Variants in CNKSR2 observed in about 807,000 individuals in gnomAD.
The protein encoded by CNKSR2 is connector enhancer of kinase suppressor of Ras 2, also known as CNK homolog protein 2.
CNKSR2 carries 14 observed loss-of-function variants against 84.4 expected under a neutral mutation model. The observed-to-expected ratio is 0.17, with a 90% confidence interval of 0.11 to 0.26. The LOEUF is 0.26. Ranked by LOEUF, CNKSR2 falls within the 10% of genes least tolerant of loss-of-function variation. CNKSR2 has a pLI of 1.00. For synonymous variants in CNKSR2, 275 were observed against 277.9 expected (o/e 0.99, Z 0.10); for missense variants, 485 against 771.2 (o/e 0.63, Z 4.40).
intron 20 of CNKSR2, among the ~76,000 whole-genome samples, chrX:21,626,163 C>T (rs2092622190): frequency 9.6e-6 from 1 of 103,638 alleles, no homozygotes; most frequent in Non-Finnish European, 1.9e-5. Context: ...TCAGACAAGA[C>T]CTCACAGAGG....
intron 20 of CNKSR2, chrX:21,642,011 T>C: frequency 1.3e-6 from 1 of 758,656 alleles, no homozygotes; most frequent in Non-Finnish European, 1.6e-6. Context: ...CTTCAATAAC[T>C]AGAAAATTCT....
intron 11 of CNKSR2, among the ~76,000 whole-genome samples, chrX:21,553,448 T>C (rs2092110951): frequency 9.2e-6 from 1 of 108,739 alleles, no homozygotes; most frequent in Non-Finnish European, 1.9e-5. Flanking sequence ...ACTTTTACAC[T>C]CCATTGTCTT....
chrX:21,424,686 T>G (rs2090542034), intron 1 of CNKSR2: 1 of 112,041 alleles, frequency 8.9e-6, no homozygotes, highest in Admixed American at 9.5e-5. Context: ...CTGCATTCCT[T>G]GAGGTCTGTG....
intron 20 of CNKSR2, among the ~76,000 whole-genome samples, chrX:21,639,742 C>G (rs980420667): frequency 9.0e-6 from 1 of 111,523 alleles, no homozygotes; most frequent in African/African-American, 3.3e-5. Flanking sequence ...TCCAACCAGC[C>G]CTAGCCAGTG....
intron 18 of CNKSR2, among the ~76,000 whole-genome samples, chrX:21,603,218 A>G (rs1001759267): frequency 1.8e-5 from 2 of 112,455 alleles, no homozygotes; most frequent in African/African-American, 3.2e-5. Flanking sequence ...CAATACAACC[A>G]GAATCTCTGA....
chrX:21,567,267 A>G (rs2092246846), intron 13 of CNKSR2, among the ~76,000 whole-genome samples: 1 of 112,166 alleles, frequency 8.9e-6, no homozygotes, highest in Non-Finnish European at 1.9e-5. Flanking sequence ...TCTCTCCTGT[A>G]CATGGTAGGA....
intron 1 of CNKSR2, among the ~76,000 whole-genome samples, chrX:21,411,132 T>C (rs1237754654): frequency 9.0e-6 from 1 of 111,357 alleles, no homozygotes; most frequent in East Asian, 2.8e-4. Flanking sequence ...TTTTTACCTC[T>C]ATATTACTAT....
At chrX:21,631,929 T>A (rs1280855489) in intron 20 of CNKSR2, among the ~76,000 whole-genome samples, 1 of 112,094 alleles carries the variant, frequency 8.9e-6, no homozygotes, top group Non-Finnish European at 1.9e-5. Context: ...GTAAAAGTTT[T>A]TCAGTGATAA....
At chrX:21,584,570 C>T (rs760270117) in intron 13 of CNKSR2, among the ~76,000 whole-genome samples, 1 of 112,158 alleles carries the variant, frequency 8.9e-6, no homozygotes, top group African/African-American at 3.2e-5. Context: ...ATTGGGATAA[C>T]AATTTTGGAC....
intron 20 of CNKSR2, among the ~76,000 whole-genome samples, chrX:21,647,539 C>A (rs988382845): frequency 8.9e-6 from 1 of 111,802 alleles, no homozygotes; most frequent in Non-Finnish European, 1.9e-5. Context: ...TTGTTAAAAT[C>A]GTGGATTCTG....
intron 13 of CNKSR2, among the ~76,000 whole-genome samples, chrX:21,578,483 A>C (rs766420585): frequency 1.8e-3 from 203 of 110,282 alleles, no homozygotes; most frequent in Non-Finnish European, 3.1e-3. Context: ...AATCAGCTAT[A>C]AAAAGCTAGG....
In CNKSR2 at chrX:21,563,275, T is replaced by A. The variant is rs772842723; in HGVS notation, c.1431T>A (p.Ile477=). ...TTCGGTATATGAGCAATGAAAAGATTGCTCAAGAAGAATACATGTTTCAGA... is the reference window on the plus strand; with the variant it reads ...TTCGGTATATGAGCAATGAAAAGATAGCTCAAGAAGAATACATGTTTCAGA... ...SLLRYMSNEK[I]AQEEYMFQRN... is the part of the protein sequence containing the mutation. The change falls in exon 13 of 22, where the codon ATT becomes ATA. Residue 477 remains isoleucine (I), a synonymous_variant. Transcript: ENST00000379510. The A allele has an allele frequency of 6.6e-6, 8 of 1,209,564 alleles. No homozygotes were observed. The South Asian group carries it at 1.2e-4, about 19-fold the overall frequency.
chrX:21,617,210 A>G (rs796484981), intron 20 of CNKSR2, among the ~76,000 whole-genome samples: 1 of 111,624 alleles, frequency 9.0e-6, no homozygotes, highest in African/African-American at 3.3e-5. Flanking sequence ...CTTCAGCTCA[A>G]TAATAGCATA....
chrX:21,552,040 T>C (rs2092097576), intron 11 of CNKSR2, among the ~76,000 whole-genome samples: 2 of 108,482 alleles, frequency 1.8e-5, no homozygotes, highest in South Asian at 8.1e-4. Flanking sequence ...TGACATCCCC[T>C]GGAGCAGGAG....
intron 5 of CNKSR2, among the ~76,000 whole-genome samples, chrX:21,473,232 A>G (rs1184956617): frequency 8.9e-6 from 1 of 111,767 alleles, no homozygotes; most frequent in East Asian, 2.8e-4. Context: ...GCATTAACCA[A>G]ATCAGTTCAT....
intron 20 of CNKSR2, among the ~76,000 whole-genome samples, chrX:21,621,236 T>C (rs998036670): frequency 3.6e-5 from 4 of 111,680 alleles, no homozygotes; most frequent in Non-Finnish European, 5.7e-5. Flanking sequence ...CTAGACACTA[T>C]ACTTTTGTTA....
intron 11 of CNKSR2, chrX:21,532,300 A>C: frequency 3.4e-4 from 80 of 233,015 alleles, no homozygotes; most frequent in East Asian, 5.5e-4. Flanking sequence ...ATTGTAGCTC[A>C]TAATGATTTA....
chrX:21,584,348 A>G (rs2092372105), intron 13 of CNKSR2, among the ~76,000 whole-genome samples: 1 of 112,651 alleles, frequency 8.9e-6, no homozygotes, highest in Admixed American at 9.4e-5. Flanking sequence ...ATCCATTCAC[A>G]TAACCAGTAT....
chrX:21,468,334 T>C (rs1379864653), intron 4 of CNKSR2, among the ~76,000 whole-genome samples: 1 of 111,599 alleles, frequency 9.0e-6, no homozygotes, highest in Non-Finnish European at 1.9e-5. Context: ...TAAAATGTAA[T>C]ATTAATATAG....
Sources: allele counts gnomAD v4.1 joint callset (sites outside exome capture counted in the v4.1 genomes callset), GRCh38; gene constraint gnomAD v4.1.1; transcripts MANE v1.5; gene names NCBI Gene and HGNC (gene_info 2026-07-23, HGNC 2026-07-21).